Variants in ZDHHC14 observed in about 807,000 individuals in gnomAD.
The protein encoded by ZDHHC14 is palmitoyltransferase ZDHHC14.
ZDHHC14 carries 16 observed loss-of-function variants against 47.7 expected under a neutral mutation model. The observed-to-expected ratio is 0.34, with a 90% CI of 0.23 to 0.51. ZDHHC14 has a LOEUF of 0.51. Ranked by LOEUF, ZDHHC14 falls within the 20% of genes least tolerant of loss-of-function variation. The pLI is 0.97. For missense variants in ZDHHC14, 515 were observed against 662.5 expected, an observed-to-expected ratio of 0.78 and a Z score of 2.44; for synonymous variants, 293 against 278.9, an observed-to-expected ratio of 1.05 and a Z score of -0.50.
chr6:157,509,166 C>T (rs909402320), intron 1 of ZDHHC14, among the ~76,000 whole-genome samples: 6 of 152,152 alleles, frequency 3.9e-5, no homozygotes, highest in African/African-American at 1.4e-4. Context: ...CTTCCAACAC[C>T]CCTCTACGCC....
At chr6:157,450,532 A>AC (rs1778780136) in intron 1 of ZDHHC14, among the ~76,000 whole-genome samples, 1 of 151,464 alleles carries the variant, frequency 6.6e-6, no homozygotes, top group South Asian at 2.1e-4. Context: ...AAAAAAAAAA[A>AC]AATCCTGAAC....
intron 2 of ZDHHC14, among the ~76,000 whole-genome samples, chr6:157,573,145 C>T (rs539841832): frequency 4.1e-5 from 6 of 144,630 alleles, no homozygotes; most frequent in East Asian, 5.2e-4. Flanking sequence ...TGTCTGCACT[C>T]GCCATCCCCC....
At chr6:157,453,489 T>C (rs1186257263) in intron 1 of ZDHHC14, among the ~76,000 whole-genome samples, 3 of 152,096 alleles carry the variant, frequency 2.0e-5, no homozygotes, top group African/African-American at 7.2e-5. Flanking sequence ...CAAACTTGAG[T>C]TTCATATTTT....
Position 157,665,940 on chromosome 6 carries a change from C to T in ZDHHC14, c.1069-6784C>T, listed in dbSNP as rs369276982. ...GAACTCCTATGAAATTTCAAGGACC[C>T]ATACTGGAAGTATGTGCAGATAACC... On this transcript the variant is annotated intron_variant, in intron 8 of 8. Transcript: ENST00000359775. Among the ~76,000 whole-genome samples, 12 of 152,150 alleles carry T rather than the reference C, an allele frequency of 7.9e-5. No individual in the cohort carries two copies. The East Asian group carries it at 1.7e-3, about 22-fold the overall frequency.
At chr6:157,655,195 G>A (rs979749624) in intron 8 of ZDHHC14, among the ~76,000 whole-genome samples, 1 of 152,190 alleles carries the variant, frequency 6.6e-6, no homozygotes, top group Non-Finnish European at 1.5e-5. Flanking sequence ...AGAACAGAGG[G>A]AGGAAGAGAC....
chr6:157,653,961 C>A (rs1213731739), intron 8 of ZDHHC14, among the ~76,000 whole-genome samples: 1 of 152,166 alleles, frequency 6.6e-6, no homozygotes, highest in African/African-American at 2.4e-5. Flanking sequence ...CAGGGCTGGG[C>A]TCATGATCTT....
intron 1 of ZDHHC14, among the ~76,000 whole-genome samples, chr6:157,498,005 A>G (rs188686106): frequency 3.0e-4 from 46 of 152,362 alleles, no homozygotes; most frequent in African/African-American, 1.0e-3. Flanking sequence ...GGAGCTTTCC[A>G]TAATCCCTTA....
chr6:157,493,966 C>T (rs1335092903), intron 1 of ZDHHC14, among the ~76,000 whole-genome samples: 1 of 152,190 alleles, frequency 6.6e-6, no homozygotes, highest in Non-Finnish European at 1.5e-5. Flanking sequence ...ACCTTTAATG[C>T]CTGACAAGAG....
At chr6:157,462,199 T>G (rs1779105631) in intron 1 of ZDHHC14, among the ~76,000 whole-genome samples, 1 of 152,220 alleles carries the variant, frequency 6.6e-6, no homozygotes, top group Non-Finnish European at 1.5e-5. Context: ...TTTTTCTTAC[T>G]TACCCTGAAT....
At chr6:157,608,533 A>T (rs535404914) in intron 3 of ZDHHC14, among the ~76,000 whole-genome samples, 94 of 152,286 alleles carry the variant, frequency 6.2e-4, no homozygotes, top group African/African-American at 1.9e-3. Flanking sequence ...TAGCAAGAAG[A>T]TGCTGCTGTG....
At chr6:157,523,809 G>A (rs1213488199) in intron 1 of ZDHHC14, among the ~76,000 whole-genome samples, 1 of 152,170 alleles carries the variant, frequency 6.6e-6, no homozygotes, top group Non-Finnish European at 1.5e-5. Context: ...GCTGAGGTGG[G>A]AGGATTGCTT....
In ZDHHC14 at chr6:157,645,776, C is replaced by T. The variant is rs1474544222; in HGVS notation, c.792C>T (p.Ser264=). 1.2e-6 allele frequency: 2 copies of T among 1,614,144 alleles called. No individual in the cohort carries two copies. The highest frequency in any genetic ancestry group is 1.7e-6 in the Non-Finnish European group (2 of 1,180,028). The part of the protein sequence containing the change: ...EAVVCFFSVW[S]IVGLSGFHTY... ...TGGTGTGCTTCTTCTCTGTCTGGTC[C>T]ATCGTTGGCCTCTCAGGATTCCACA... The change falls in exon 6 of 9, where the codon TCC becomes TCT. Residue 264 remains serine (S), a synonymous_variant. Coordinates refer to ENST00000359775, the MANE Select transcript of ZDHHC14 (RefSeq NM_024630.3).
chr6:157,553,643 G>T (rs534727036), intron 2 of ZDHHC14, among the ~76,000 whole-genome samples: 15 of 152,034 alleles, frequency 9.9e-5, no homozygotes, highest in African/African-American at 3.1e-4. Context: ...GGGTGGGAGA[G>T]GGCTGGGGGG....
chr6:157,416,807 A>ATTTTTT (rs5881208), intron 1 of ZDHHC14, among the ~76,000 whole-genome samples: 1 of 137,432 alleles, frequency 7.3e-6, no homozygotes, highest in Non-Finnish European at 1.5e-5. Context: ...TTGTTAGCAA[A>ATTTTTT]TTTTTTTTTT....
At chr6:157,438,670 A>T (rs1467338442) in intron 1 of ZDHHC14, among the ~76,000 whole-genome samples, 1 of 152,224 alleles carries the variant, frequency 6.6e-6, no homozygotes, top group Non-Finnish European at 1.5e-5. Flanking sequence ...GGGAATAAAA[A>T]GTTTTTCCTT....
At position 157,672,979 on chromosome 6, in the gene ZDHHC14, G is replaced by A. The variant is rs539667085; in HGVS notation, c.1324G>A (p.Asp442Asn). The A allele has an allele frequency of 3.4e-5, 55 of 1,594,690 alleles. No homozygotes were observed. The highest frequency in any genetic ancestry group is 7.9e-5 in the South Asian group (7 of 89,076). ...CATGGGCCACCAGTTCCTGACGCCC[G>A]ATGAGGCGCCCTCGCCCCCCAGGCT... ...EHMGHQFLTP[D>N]EAPSPPRLLA... The change falls in exon 9 of 9, where the codon GAT (aspartate) becomes AAT (asparagine). Residue 442 changes from aspartate (D) to asparagine (N), a missense_variant. This residue lies in a region of ZDHHC14 where 221 missense variants were observed against 233.6 expected (regional missense o/e 0.95). Coordinates refer to ENST00000359775, the MANE Select transcript of ZDHHC14 (RefSeq NM_024630.3).
At chr6:157,522,962 TTTC>T (rs1440607850) in intron 1 of ZDHHC14, among the ~76,000 whole-genome samples, 1 of 27,926 alleles carries the variant, frequency 3.6e-5, no homozygotes, top group African/African-American at 1.6e-4. Context: ...TCCTTCCTTC[TTTC>T]TTTTCTTTTC....
At chr6:157,664,545 T>A (rs1023890838) in intron 8 of ZDHHC14, among the ~76,000 whole-genome samples, 21 of 152,208 alleles carry the variant, frequency 1.4e-4, no homozygotes, top group African/African-American at 4.6e-4. Flanking sequence ...CAGACTTTTT[T>A]AATTTGTTGG....
intron 1 of ZDHHC14, among the ~76,000 whole-genome samples, chr6:157,514,123 C>T (rs1451638224): frequency 6.6e-6 from 1 of 152,104 alleles, no homozygotes; most frequent in Non-Finnish European, 1.5e-5. Context: ...CATTAGCAAG[C>T]ATGAAAAATG....
Sources: allele counts gnomAD v4.1 joint callset (sites outside exome capture counted in the v4.1 genomes callset), GRCh38; gene constraint gnomAD v4.1.1; regional missense constraint gnomAD v4.1.1; transcripts MANE v1.5; gene names NCBI Gene and HGNC (gene_info 2026-07-23, HGNC 2026-07-21).